The following AP4E1 variants were observed in gnomAD, a reference collection of about 807,000 sequenced individuals.
AP4E1 encodes AP-4 complex subunit epsilon-1.
A neutral mutation model predicts 128.2 loss-of-function variants in AP4E1; 56 were observed. The observed-to-expected ratio is 0.44, with a 90% CI of 0.35 to 0.55. AP4E1 has a LOEUF of 0.55. Ranked by LOEUF, AP4E1 falls within the 20% of genes least tolerant of loss-of-function variation. The probability of loss-of-function intolerance (pLI) is 0.00; values close to 1 mark genes in which losing one functional copy is unlikely to be tolerated. For missense variants in AP4E1, 1,324 were observed against 1,307.7 expected (o/e 1.01, Z -0.19); for synonymous variants, 484 against 473.1 (o/e 1.02, Z -0.30).
At chr15:50,967,357 A>G (rs2064407607) in intron 14 of AP4E1, among the ~76,000 whole-genome samples, 1 of 152,228 alleles carries the variant, frequency 6.6e-6, no homozygotes, top group Non-Finnish European at 1.5e-5. Flanking sequence ...AATCACAAGG[A>G]TCCTTACAAA....
At chr15:50,937,660 A>T (rs573784591) in intron 8 of AP4E1, among the ~76,000 whole-genome samples, 39 of 152,290 alleles carry the variant, frequency 2.6e-4, no homozygotes, top group African/African-American at 8.7e-4. Flanking sequence ...ACAGATAGGG[A>T]TTTACTGATG....
chr15:50,967,196 C>T (rs2064405845), intron 14 of AP4E1, among the ~76,000 whole-genome samples: 1 of 152,184 alleles, frequency 6.6e-6, no homozygotes, highest in Non-Finnish European at 1.5e-5. Flanking sequence ...CTGTGGGAGG[C>T]TGAATAATGG....
At chr15:50,991,272 TTTG>T (rs530751268) in intron 16 of AP4E1, among the ~76,000 whole-genome samples, 8 of 152,198 alleles carry the variant, frequency 5.3e-5, no homozygotes, top group East Asian at 3.8e-4. Context: ...ACATCGGCCT[TTTG>T]TTGTTGTTGT....
At chr15:50,921,471 C>T (rs2063702417) in intron 3 of AP4E1, among the ~76,000 whole-genome samples, 1 of 152,026 alleles carries the variant, frequency 6.6e-6, no homozygotes, top group Non-Finnish European at 1.5e-5. Flanking sequence ...GCCTCAGCCT[C>T]CCAAGTAGCT....
At chr15:50,990,197 T>A (rs1019125308) in intron 16 of AP4E1, among the ~76,000 whole-genome samples, 5 of 152,012 alleles carry the variant, frequency 3.3e-5, no homozygotes, top group African/African-American at 1.2e-4. Flanking sequence ...TATTATATAA[T>A]AGTATTGTCA....
chr15:50,985,347 C>T (rs1213997205), intron 16 of AP4E1, among the ~76,000 whole-genome samples: 1 of 152,140 alleles, frequency 6.6e-6, no homozygotes, highest in African/African-American at 2.4e-5. Context: ...GCTTTTGTTG[C>T]CATTGCTTTT....
chr15:50,992,329 A>G (rs2064816753), intron 16 of AP4E1, among the ~76,000 whole-genome samples: 1 of 152,154 alleles, frequency 6.6e-6, no homozygotes, highest in African/African-American at 2.4e-5. Context: ...TGGATTTTTG[A>G]CAACACAAGG....
chr15:50,912,794 CTG>C (rs1317260970), intron 2 of AP4E1, among the ~76,000 whole-genome samples: 1 of 152,058 alleles, frequency 6.6e-6, no homozygotes, highest in Non-Finnish European at 1.5e-5. Context: ...TCCTGAGTAA[CTG>C]GGACTACAGG....
chr15:50,970,282 T>C (rs1416343540), intron 15 of AP4E1, among the ~76,000 whole-genome samples: 1 of 152,254 alleles, frequency 6.6e-6, no homozygotes, highest in Non-Finnish European at 1.5e-5. Flanking sequence ...CATTTGTTTT[T>C]ATGGCTGAAT....
chr15:51,002,069 TG>T (rs1463054957), intron 20 of AP4E1, among the ~76,000 whole-genome samples: 1 of 152,074 alleles, frequency 6.6e-6, no homozygotes, highest in Non-Finnish European at 1.5e-5. Context: ...TTAGTAGAGA[TG>T]GGGTTTCACC....
At chr15:50,909,995 T>A (rs1448468518) in intron 1 of AP4E1, among the ~76,000 whole-genome samples, 4 of 147,712 alleles carry the variant, frequency 2.7e-5, no homozygotes, top group Admixed American at 6.8e-5. Context: ...TTAAAATTTT[T>A]AAATTTTTAA....
chr15:50,910,933 A>G (rs916968547), intron 1 of AP4E1, among the ~76,000 whole-genome samples: 6 of 152,268 alleles, frequency 3.9e-5, no homozygotes, highest in Non-Finnish European at 7.3e-5. Flanking sequence ...AAGTGCTGGG[A>G]TTACAGGCGT....
chr15:50,923,079 G>A (rs903434156), intron 3 of AP4E1, among the ~76,000 whole-genome samples: 1 of 152,090 alleles, frequency 6.6e-6, no homozygotes, highest in African/African-American at 2.4e-5. Flanking sequence ...GCCCAGTCTT[G>A]GGTCTCATTA....
intron 5 of AP4E1, among the ~76,000 whole-genome samples, chr15:50,927,521 T>TTG (rs1555455117): frequency 1.3e-5 from 2 of 151,440 alleles, no homozygotes; most frequent in Non-Finnish European, 2.9e-5. Flanking sequence ...TCAGAGTTTT[T>TTG]TTTTTTTTTT....
intron 15 of AP4E1, among the ~76,000 whole-genome samples, chr15:50,981,140 G>A (rs755037286): frequency 3.9e-5 from 6 of 152,134 alleles, no homozygotes; most frequent in Non-Finnish European, 5.9e-5. Context: ...GCATCAGCCT[G>A]GGAAAGTTGC....
chr15:50,976,640 A>G (rs559942477), intron 15 of AP4E1, among the ~76,000 whole-genome samples: 10 of 152,350 alleles, frequency 6.6e-5, no homozygotes, highest in African/African-American at 2.4e-4. Flanking sequence ...GACTCCATTA[A>G]AAAACCGTTA....
chr15:50,990,331 A>AT (rs2064787166), intron 16 of AP4E1, among the ~76,000 whole-genome samples: 3 of 129,824 alleles, frequency 2.3e-5, no homozygotes, highest in Non-Finnish European at 3.4e-5. Flanking sequence ...CCCATTTTTT[A>AT]TTATTTATTT....
intron 13 of AP4E1, among the ~76,000 whole-genome samples, chr15:50,957,948 A>G (rs2064252871): frequency 1.3e-5 from 2 of 152,006 alleles, no homozygotes; most frequent in Non-Finnish European, 1.5e-5. Flanking sequence ...CTGGGATTAC[A>G]GGTGTGAGCC....
intron 13 of AP4E1, among the ~76,000 whole-genome samples, chr15:50,956,687 G>A (rs2064228065): frequency 6.6e-6 from 1 of 152,098 alleles, no homozygotes; most frequent in Non-Finnish European, 1.5e-5. Flanking sequence ...GGGGGAAACT[G>A]CCCCCATGAT....
Sources: gnomAD v4.1 joint callset for allele counts (sites outside exome capture counted in the v4.1 genomes callset) on GRCh38, gnomAD v4.1.1 for gene constraint, MANE v1.5 for transcripts, NCBI Gene and HGNC (gene_info 2026-07-23, HGNC 2026-07-21) for gene names.